The following PDE1C variants were observed in gnomAD, a reference collection of about 807,000 sequenced individuals.
The protein encoded by PDE1C is phosphodiesterase 1C, also known as dual specificity calcium/calmodulin-dependent 3',5'-cyclic nucleotide phosphodiesterase 1C.
Under a neutral mutation model 93.1 loss-of-function variants are expected in PDE1C, and 62 were observed. The ratio of observed to expected loss-of-function variants is 0.67; its 90% confidence interval spans 0.54 to 0.82. The LOEUF (loss-of-function observed/expected upper bound fraction) is 0.82, where lower values mean the gene tolerates loss of function less well. Among genes scored for constraint, PDE1C ranks in the 40% least tolerant of loss-of-function variants. PDE1C has a pLI of 0.00. For synonymous variants in PDE1C, 325 were observed against 310.1 expected (o/e 1.05, Z -0.50); for missense variants, 742 against 884.6 (o/e 0.84, Z 2.04).
intron 3 of PDE1C, among the ~76,000 whole-genome samples, chr7:32,082,743 C>T (rs188633266): frequency 1.3e-5 from 2 of 152,192 alleles, no homozygotes; most frequent in East Asian, 1.9e-4. Flanking sequence ...AGGCAAACAG[C>T]GTCTGAAGTG....
At chr7:32,267,416 G>C (rs75614914) in intron 1 of PDE1C, among the ~76,000 whole-genome samples, 1,957 of 152,288 alleles carry the variant, frequency 0.013, 45 homozygotes, top group African/African-American at 0.044. Context: ...GGAGTGAAAA[G>C]AGGGGGCACG....
chr7:32,044,335 C>T (rs1239791837), intron 2 of PDE1C, among the ~76,000 whole-genome samples: 1 of 152,104 alleles, frequency 6.6e-6, no homozygotes, highest in African/African-American at 2.4e-5. Context: ...GTAAGGAGTT[C>T]AGCTTGACTG....
At position 31,848,445 on chromosome 7, in the gene PDE1C, AT is replaced by A. The variant is rs1393834670; in HGVS notation, c.852-350del. On this transcript the variant is annotated intron_variant, in intron 8 of 17. Coordinates refer to ENST00000396191, the MANE Select transcript of PDE1C (RefSeq NM_001191057.4). ...CTTTATATTTTCTGGAATGACATTT[AT>A]TTTTATTTTTATTTTATTCAATGAA... Among the ~76,000 whole-genome samples the A allele has an allele frequency of 3.3e-5, 5 of 152,106 alleles. No individual in the cohort carries two copies. In the East Asian group the frequency reaches 9.7e-4, roughly 29 times the overall value.
At chr7:32,361,718 C>T (rs1307240438) in intron 1 of PDE1C, among the ~76,000 whole-genome samples, 1 of 152,166 alleles carries the variant, frequency 6.6e-6, no homozygotes, top group Non-Finnish European at 1.5e-5. Context: ...CTGCCTCGTG[C>T]TCCCCTGGCA....
At chr7:31,933,969 TAAGAA>T (rs1249684224) in intron 2 of PDE1C, among the ~76,000 whole-genome samples, 4 of 152,178 alleles carry the variant, frequency 2.6e-5, no homozygotes, top group African/African-American at 9.7e-5. Flanking sequence ...CTAATACACT[TAAGAA>T]AATAATACCC....
intron 3 of PDE1C, among the ~76,000 whole-genome samples, chr7:32,116,537 G>A (rs769835155): frequency 3.9e-5 from 6 of 151,920 alleles, no homozygotes; most frequent in Non-Finnish European, 8.8e-5. Flanking sequence ...GCTCATAATA[G>A]GTGCATACAT....
intron 2 of PDE1C, among the ~76,000 whole-genome samples, chr7:31,888,924 A>G (rs1201922425): frequency 2.0e-5 from 3 of 152,184 alleles, no homozygotes; most frequent in African/African-American, 7.2e-5. Context: ...AAACATCAAA[A>G]CGAAACAGTT....
At chr7:31,650,418 G>C in the PDE1C span, among the ~76,000 whole-genome samples, 1 of 152,234 alleles carries the variant, frequency 6.6e-6, no homozygotes, top group African/African-American at 2.4e-5. Context: ...GGAGCTGCAG[G>C]AATATATTTA....
chr7:32,394,131 C>A (rs1437329616), intron 1 of PDE1C, among the ~76,000 whole-genome samples: 1 of 152,236 alleles, frequency 6.6e-6, no homozygotes, highest in Non-Finnish European at 1.5e-5. Context: ...TCTGCCTCTA[C>A]ATAGAGACCC....
chr7:32,410,643 T>A (rs993892388), intron 1 of PDE1C, among the ~76,000 whole-genome samples: 55 of 147,786 alleles, frequency 3.7e-4, no homozygotes, highest in African/African-American at 1.4e-3. Context: ...TCCTATGGGT[T>A]CAGCCAATGG....
At chr7:31,708,804 C>T in the PDE1C span, among the ~76,000 whole-genome samples, 1 of 152,182 alleles carries the variant, frequency 6.6e-6, no homozygotes, top group African/African-American at 2.4e-5. Context: ...AGTATATCAT[C>T]CATTGACTCT....
chr7:32,394,979 A>T (rs1196206933), intron 1 of PDE1C, among the ~76,000 whole-genome samples: 1 of 152,270 alleles, frequency 6.6e-6, no homozygotes, highest in Admixed American at 6.5e-5. Flanking sequence ...ATCTGGTGCC[A>T]TGCTTCTTGT....
chr7:31,617,302 TCAA>T, the PDE1C span, among the ~76,000 whole-genome samples: 2 of 152,050 alleles, frequency 1.3e-5, no homozygotes, highest in African/African-American at 4.8e-5. Flanking sequence ...AATGGGTTTC[TCAA>T]CAAGTATTTC....
chr7:31,775,878 T>C lies in PDE1C; in HGVS notation c.1892-146A>G, dbSNP rs118067239. 4.3e-3 allele frequency: 2,905 copies of C among 679,554 alleles called. 7 individuals are homozygous for C. The highest frequency in any genetic ancestry group is 6.4e-3 in the Non-Finnish European group (2,441 of 381,818). 42.1% of individuals were successfully genotyped at this position (679,554 alleles called of 1,614,324 possible). On this transcript the variant is annotated intron_variant, in intron 16 of 17. Transcript: ENST00000396191. ...AGGTGAGGTTGCAGGGTGGTGCATA[T>C]TCTGTGGTCCAGAAAAGCTGGGAGC... is the stretch of plus-strand genomic sequence containing the variant.
At chr7:32,261,221 A>G (rs2128880583) in intron 1 of PDE1C, among the ~76,000 whole-genome samples, 1 of 152,278 alleles carries the variant, frequency 6.6e-6, no homozygotes, top group East Asian at 1.9e-4. Flanking sequence ...GTAAAACCTA[A>G]GATCAGTGCT....
At chr7:32,354,430 C>T (rs1005403543) in intron 1 of PDE1C, among the ~76,000 whole-genome samples, 2 of 152,050 alleles carry the variant, frequency 1.3e-5, no homozygotes, top group Non-Finnish European at 2.9e-5. Flanking sequence ...AGTTTGAGAC[C>T]AGTCTGAGCA....
chr7:31,794,089 C>CAGACAGATAGAT (rs1562808129), intron 16 of PDE1C, among the ~76,000 whole-genome samples: 20 of 136,154 alleles, frequency 1.5e-4, no homozygotes, highest in African/African-American at 5.4e-4. Context: ...GACAGACAGA[C>CAGACAGATAGAT]AGATAGATAG....
the PDE1C span, among the ~76,000 whole-genome samples, chr7:31,623,078 C>T: frequency 6.6e-6 from 1 of 152,148 alleles, no homozygotes; most frequent in African/African-American, 2.4e-5. Context: ...TCTGAATAGG[C>T]CAATAACAGG....
chr7:31,675,260 A>G, the PDE1C span, among the ~76,000 whole-genome samples: 1 of 152,178 alleles, frequency 6.6e-6, no homozygotes, highest in Non-Finnish European at 1.5e-5. Flanking sequence ...CTTGAATTCA[A>G]TAGTTGCAGT....
Sources: allele counts gnomAD v4.1 joint callset (sites outside exome capture counted in the v4.1 genomes callset), GRCh38; gene constraint gnomAD v4.1.1; transcripts MANE v1.5; gene names NCBI Gene and HGNC (gene_info 2026-07-23, HGNC 2026-07-21).